Variants in ZNRF3 observed in about 807,000 individuals in gnomAD.
ZNRF3 encodes the protein zinc and ring finger 3, also known as E3 ubiquitin-protein ligase ZNRF3.
ZNRF3 carries 23 observed loss-of-function variants against 72.5 expected under a neutral mutation model. The ratio of observed to expected loss-of-function variants is 0.32; its 90% CI spans 0.23 to 0.45. The LOEUF is 0.45. ZNRF3 is among the 20% of genes least tolerant of loss of function. The pLI, the probability that ZNRF3 is intolerant of heterozygous loss-of-function variation, is 1.00. For synonymous variants in ZNRF3, 610 were observed against 545.3 expected (o/e 1.12, Z -1.65); for missense variants, 1,169 against 1,272.1 (o/e 0.92, Z 1.23).
At chr22:28,909,507 A>C (rs536990109) in intron 1 of ZNRF3, among the ~76,000 whole-genome samples, 1 of 152,140 alleles carries the variant, frequency 6.6e-6, no homozygotes, top group East Asian at 1.9e-4. Flanking sequence ...TATGCAAATC[A>C]GGTCTGCATG....
chr22:29,042,765 C>T (rs1601704127), intron 3 of ZNRF3, among the ~76,000 whole-genome samples, 196 bp downstream of exon 3: 1 of 118,506 alleles, frequency 8.4e-6, no homozygotes, highest in Admixed American at 8.8e-5. Flanking sequence ...AATTGGGGCA[C>T]AGGGGGCATT....
At chr22:29,032,593 G>A (rs1369910724) in intron 2 of ZNRF3, among the ~76,000 whole-genome samples, 1 of 152,224 alleles carries the variant, frequency 6.6e-6, no homozygotes, top group East Asian at 1.9e-4. Context: ...AAATTTGGTA[G>A]AGAACAGACC....
At chr22:28,922,947 G>A (rs1040852806) in intron 1 of ZNRF3, among the ~76,000 whole-genome samples, 14 of 152,074 alleles carry the variant, frequency 9.2e-5, no homozygotes, top group African/African-American at 3.1e-4. Flanking sequence ...TGTGGAAACC[G>A]GCTTGGAGAA....
chr22:29,032,185 A>C lies in ZNRF3; in HGVS notation c.427-10310A>C, dbSNP rs1219258042. On this transcript the variant is annotated intron_variant, in intron 2 of 8. Coordinates refer to ENST00000544604, the MANE Select transcript of ZNRF3 (RefSeq NM_001206998.2). ...AGGAAAGGCAAGGCCCCCTAGTGAT[A>C]ATGGGAGGAGGCTGTAAAAATTCAC... is the stretch of plus-strand genomic sequence containing the variant. Among the ~76,000 whole-genome samples, 3 of 152,140 alleles carry C rather than the reference A, an allele frequency of 2.0e-5. No homozygotes were observed. In the East Asian group the frequency reaches 5.8e-4, roughly 29 times the overall value.
intron 1 of ZNRF3, among the ~76,000 whole-genome samples, chr22:28,967,137 C>A (rs1214250362): frequency 6.6e-6 from 1 of 152,182 alleles, no homozygotes; most frequent in Non-Finnish European, 1.5e-5. Context: ...CCACCTTGGC[C>A]TCCCAGAGTG....
chr22:29,020,533 T>A (rs1272850193), intron 2 of ZNRF3, among the ~76,000 whole-genome samples: 1 of 151,886 alleles, frequency 6.6e-6, no homozygotes, highest in African/African-American at 2.4e-5. Flanking sequence ...AGTGGTAGGA[T>A]TACAGGTGTG....
intron 1 of ZNRF3, among the ~76,000 whole-genome samples, chr22:28,978,107 CAT>C (rs2035706112): frequency 6.6e-6 from 1 of 152,212 alleles, no homozygotes; most frequent in African/African-American, 2.4e-5. Flanking sequence ...CATATTTAAA[CAT>C]AAAACCAGTT....
At chr22:28,907,755 T>A (rs1227073955) in intron 1 of ZNRF3, among the ~76,000 whole-genome samples, 1 of 152,242 alleles carries the variant, frequency 6.6e-6, no homozygotes, top group Admixed American at 6.5e-5. Context: ...TAGAACTTTT[T>A]CCCTGCCCAC....
rs115961986 is a variant in ZNRF3, at chr22:28,911,607, C to T, written c.300+27541C>T. Among the ~76,000 whole-genome samples, 37 of 152,348 alleles carry T rather than the reference C, an allele frequency of 2.4e-4. No individual in the cohort carries two copies. The South Asian group carries it at 5.4e-3, about 22-fold the overall frequency. Reference sequence around the variant, plus strand: ...TATTAGTAACAAATAGCTTTCTACCCGTACACTTGACCATTCATGACACCT... The same window carrying T: ...TATTAGTAACAAATAGCTTTCTACCTGTACACTTGACCATTCATGACACCT... On this transcript the variant is annotated intron_variant, in intron 1 of 8. Coordinates refer to ENST00000544604, the MANE Select transcript of ZNRF3 (RefSeq NM_001206998.2).
chr22:28,978,248 G>A (rs1045460540), intron 1 of ZNRF3, among the ~76,000 whole-genome samples: 3 of 152,220 alleles, frequency 2.0e-5, no homozygotes, highest in African/African-American at 4.8e-5. Context: ...CTGTATCTGG[G>A]AGAAAATTGG....
At chr22:28,987,926 C>G (rs953135250) in intron 2 of ZNRF3, among the ~76,000 whole-genome samples, 1 of 152,096 alleles carries the variant, frequency 6.6e-6, no homozygotes, top group African/African-American at 2.4e-5. Flanking sequence ...AGAGTAAGCC[C>G]TCAATAAACG....
At chr22:28,900,746 G>T (rs2034086547) in intron 1 of ZNRF3, among the ~76,000 whole-genome samples, 1 of 152,292 alleles carries the variant, frequency 6.6e-6, no homozygotes, top group Admixed American at 6.5e-5. Flanking sequence ...ATCTTTGCTT[G>T]CTGACTTGGA....
chr22:29,015,877 G>A (rs1466231312), intron 2 of ZNRF3, among the ~76,000 whole-genome samples: 3 of 150,876 alleles, frequency 2.0e-5, no homozygotes, highest in African/African-American at 4.9e-5. Context: ...TTAGCTGGGC[G>A]TGGTGGCACA....
Position 28,889,924 on chromosome 22 carries a change from T to G in ZNRF3, c.300+5858T>G, listed in dbSNP as rs142404572. 5.9e-5 allele frequency among the ~76,000 whole-genome samples: 9 copies of G among 152,256 alleles called. No individual in the cohort carries two copies. The East Asian group carries it at 1.7e-3, about 29-fold the overall frequency. On this transcript the variant is annotated intron_variant, in intron 1 of 8. Transcript: ENST00000544604. ...GTGGACCTGGACCCCATGGGGTCTG[T>G]TTTTGCTCATTTCTGGATCGACCCC...
At chr22:29,028,666 G>C (rs1403696020) in intron 2 of ZNRF3, among the ~76,000 whole-genome samples, 1 of 152,186 alleles carries the variant, frequency 6.6e-6, no homozygotes, top group Admixed American at 6.5e-5. Flanking sequence ...GTATCCATGG[G>C]CAAGTTACGT....
intron 2 of ZNRF3, among the ~76,000 whole-genome samples, chr22:29,008,374 C>T (rs957131054): frequency 3.3e-5 from 5 of 152,172 alleles, no homozygotes; most frequent in African/African-American, 1.2e-4. Context: ...TTCACTTATT[C>T]CATGCTCTGA....
intron 2 of ZNRF3, among the ~76,000 whole-genome samples, chr22:29,006,553 G>A (rs181152010): frequency 1.3e-5 from 2 of 152,146 alleles, no homozygotes; most frequent in East Asian, 1.9e-4. Flanking sequence ...TTTCCTTATC[G>A]TTCCTGGTTC....
chr22:29,044,628 G>A, intron 4 of ZNRF3, 152 bp from the exon 5 acceptor site: 1 of 644,270 alleles, frequency 1.6e-6, no homozygotes, highest in Middle Eastern at 2.7e-4. Flanking sequence ...CACACCATGT[G>A]CATGTGAGCA....
chr22:29,050,284 G>A lies in ZNRF3; in HGVS notation c.2103G>A (p.Trp701Ter). 1 of 1,597,874 alleles carries A rather than the reference G, an allele frequency of 6.3e-7. No individual in the cohort carries two copies. The highest frequency in any genetic ancestry group is 8.5e-7 in the Non-Finnish European group (1 of 1,178,414). The change falls in exon 8 of 9, where the codon TGG (tryptophan) becomes TGA (stop). Residue 701 changes from tryptophan to a stop codon, truncating the protein, a stop_gained. Coordinates refer to ENST00000544604, the MANE Select transcript of ZNRF3 (RefSeq NM_001206998.2). LOFTEE classifies it high-confidence loss of function. ...CCGCCCCTGACCTCAGGAGGACCTG[G>A]AAGGGGGGCCACGAGTTGCCGTCGT... Reference protein sequence around the residue: ...PGAAPDLRRTWKGGHELPSCA... With the variant: ...PGAAPDLRRT
Sources: gnomAD v4.1 joint callset for allele counts (sites outside exome capture counted in the v4.1 genomes callset) on GRCh38, gnomAD v4.1.1 for gene constraint, MANE v1.5 for transcripts, NCBI Gene and HGNC (gene_info 2026-07-23, HGNC 2026-07-21) for gene names.